Variants in RYR1 observed in about 807,000 individuals in gnomAD.
RYR1 encodes ryanodine receptor 1, also known as central core disease of muscle.
In RYR1, 342 loss-of-function variants were observed where a neutral mutation model predicts 583.5. The ratio of observed to expected loss-of-function variants is 0.59; its 90% CI spans 0.54 to 0.64. The LOEUF (loss-of-function observed/expected upper bound fraction) is 0.64, where lower values mean the gene tolerates loss of function less well. Among genes scored for constraint, RYR1 ranks in the 30% least tolerant of loss-of-function variants. The probability of loss-of-function intolerance (pLI) is 0.00; values close to 1 mark genes in which losing one functional copy is unlikely to be tolerated. For missense variants in RYR1, 6,032 were observed against 6,917.2 expected, an observed-to-expected ratio of 0.87 and a Z score of 4.54; for synonymous variants, 2,791 against 2,822.5, an observed-to-expected ratio of 0.99 and a Z score of 0.35.
rs1973394278 is a variant in RYR1 at position 38,565,813 on chromosome 19, G to A, written c.13437+42G>A. 2.2e-6 allele frequency: 3 copies of A among 1,367,902 alleles called. No individual in the cohort carries two copies. In the East Asian group the frequency reaches 9.0e-5, roughly 41 times the overall value. 84.7% of individuals were successfully genotyped at this position (1,367,902 alleles called of 1,614,324 possible). ...GGTTTTGGGGTTTTGGAAAGATGGG[G>A]GATTGGAGGGAGGAAGAGAGCCCGG... On this transcript the variant is annotated intron_variant, in intron 91 of 105. Coordinates refer to ENST00000359596, the MANE Select transcript of RYR1 (RefSeq NM_000540.3). The surrounding 1 kb of genome is among the most constrained non-coding windows in gnomAD (Gnocchi z 4.7).
chr19:38,473,035 T>C (rs1386477404), intron 27 of RYR1, among the ~76,000 whole-genome samples: 1 of 147,852 alleles, frequency 6.8e-6, no homozygotes, highest in Non-Finnish European at 1.5e-5. Flanking sequence ...AAAAAAAGCA[T>C]TGAAGTTGAG....
chr19:38,476,917 C>T (rs1325672090), intron 29 of RYR1, among the ~76,000 whole-genome samples: 2 of 151,942 alleles, frequency 1.3e-5, no homozygotes, highest in African/African-American at 4.8e-5. Flanking sequence ...ACCCGTAGTC[C>T]CAGAACGTTG....
At chr19:38,474,585 T>G in intron 28 of RYR1, among the ~76,000 whole-genome samples, 1 of 137,824 alleles carries the variant, frequency 7.3e-6, no homozygotes, top group Non-Finnish European at 1.6e-5. Flanking sequence ...TTTTTTTTTT[T>G]TTTTTTTGAG....
intron 29 of RYR1, 23 bp downstream of exon 29, chr19:38,475,473 T>C: frequency 6.2e-7 from 1 of 1,612,764 alleles, no homozygotes; most frequent in Non-Finnish European, 8.5e-7. Context: ...AACCCTCAAT[T>C]TTGGGGTCCC....
intron 27 of RYR1, among the ~76,000 whole-genome samples, chr19:38,471,821 G>A (rs1234099004): frequency 6.9e-6 from 1 of 145,020 alleles, no homozygotes. Context: ...AGAATTGCTT[G>A]AACCCAGGAG....
intron 1 of RYR1, among the ~76,000 whole-genome samples, chr19:38,437,541 C>T (rs1972480647): frequency 6.6e-6 from 1 of 152,144 alleles, no homozygotes; most frequent in Admixed American, 6.5e-5. Context: ...ATAGCCAGAC[C>T]CCATGGCTCA....
At chr19:38,559,085 C>G (rs918719126) in intron 89 of RYR1, among the ~76,000 whole-genome samples, 1 of 151,996 alleles carries the variant, frequency 6.6e-6, no homozygotes, top group Admixed American at 6.6e-5. Flanking sequence ...AGCAAGACTC[C>G]GTCTCAATAA....
chr19:38,466,033 G>A (rs938546900), intron 23 of RYR1, 58 bp from the exon 24 acceptor site: 1 of 1,516,428 alleles, frequency 6.6e-7, no homozygotes, highest in Non-Finnish European at 9.0e-7. Flanking sequence ...CCCATATAGT[G>A]CAGAGCCCGG....
In RYR1 at chr19:38,452,845, C is replaced by T. The variant is rs929778418; in HGVS notation, c.1271C>T (p.Pro424Leu). 2.5e-6 allele frequency: 4 copies of T among 1,602,988 alleles called. No homozygotes were observed. Among genetic ancestry groups the T allele is most frequent in the Non-Finnish European group, 3.4e-6 (4 of 1,175,020 alleles). Residue 424 changes from proline to leucine, a missense_variant, in exon 13 of 106, where the codon CCA becomes CTA. Around this residue, in one of 11 missense-constraint regions of RYR1, gnomAD observed 2,627 missense variants for 2,961.3 expected, o/e 0.89. Transcript: ENST00000359596. ...AGCCTGGACAGCTTCAGCGGGAAGC[C>T]ACGGGGCTCGGGGCCACCCGCTGGC... ...IKSLDSFSGK[P>L]RGSGPPAGTA... is the part of the protein sequence containing the mutation.
rs1237410180 is a variant in RYR1 at position 38,469,507 on chromosome 19, C to T, written c.3759C>T (p.His1253=). The T allele has an allele frequency of 6.2e-7, 1 of 1,613,886 alleles. No homozygotes were observed. Among genetic ancestry groups the T allele is most frequent in the African/African-American group, 1.3e-5 (1 of 74,932 alleles). The change falls in exon 27 of 106, where the codon CAC becomes CAT. Residue 1253 remains histidine (H), a synonymous_variant. Transcript: ENST00000359596. The part of the protein sequence containing the change: ...QFEPVPLEHP[H]YEVSRVDGTV... ...AGCCAGTGCCCCTTGAACACCCTCA[C>T]TATGAGGTAAGGACTGAGCCCCTCA...
chr19:38,573,133 C>G (rs772648829), intron 95 of RYR1, 44 bp from the exon 96 acceptor site: 1 of 1,611,562 alleles, frequency 6.2e-7, no homozygotes, highest in South Asian at 1.1e-5. Context: ...TATGGTCCAG[C>G]CAAGGTGCCT....
Position 38,448,957 on chromosome 19 carries a change from G to T in RYR1, c.1122+144G>T, listed in dbSNP as rs540996565. The T allele has an allele frequency of 5.0e-6, 4 of 798,354 alleles. No individual in the cohort carries two copies. In the African/African-American group the frequency reaches 5.1e-5, roughly 10 times the overall value. The allele number at this position is 798,354 out of a possible 1,614,324, so 49.5% of individuals were successfully genotyped here. A position where few individuals can be genotyped will look rare whatever the true frequency, so the allele number is the denominator to read the frequency against. The stretch of plus-strand genomic sequence containing the variant: ...AGATGGGGTGCAGGAGGGTACTGAG[G>T]GGTGGTGCTTGAGACCTTGGGAGTT... On this transcript the variant is annotated intron_variant, in intron 11 of 105. Coordinates refer to ENST00000359596, the MANE Select transcript of RYR1 (RefSeq NM_000540.3).
In RYR1 at chr19:38,473,885, T is replaced by G. The variant is rs16972639; in HGVS notation, c.4160+114T>G. On this transcript the variant is annotated intron_variant, in intron 28 of 105. Transcript: ENST00000359596. ...TACCCCAAAGTAGACCCATATATGC[T>G]AAGTGGAGTAAGAATACCGAGAGAT... is the stretch of plus-strand genomic sequence containing the variant. The G allele has an allele frequency of 0.011, 8,318 of 730,122 alleles. 467 individuals are homozygous for G. The African/African-American group carries it at 0.13, about 11-fold the overall frequency. The allele number at this position is 730,122 out of a possible 1,614,324, so 45.2% of individuals were successfully genotyped here.
At chr19:38,507,465 CG>C (rs1235748750) in intron 57 of RYR1, among the ~76,000 whole-genome samples, 2 of 126,876 alleles carry the variant, frequency 1.6e-5, no homozygotes, top group East Asian at 2.5e-4. Flanking sequence ...GGGCAGGGCC[CG>C]GGGAACAGAG....
chr19:38,522,975 C>T (rs1971285845), intron 67 of RYR1, 53 bp from the exon 68 acceptor site: 4 of 1,424,546 alleles, frequency 2.8e-6, no homozygotes, highest in Non-Finnish European at 3.9e-6. Flanking sequence ...TCTGGGCAGC[C>T]CCCTTCCCTG....
At chr19:38,509,803 A>G (rs1970647723) in intron 58 of RYR1, among the ~76,000 whole-genome samples, 1 of 152,168 alleles carries the variant, frequency 6.6e-6, no homozygotes, top group South Asian at 2.1e-4. Context: ...CACCATTATT[A>G]TTGTTTGAAA....
intron 72 of RYR1, 148 bp downstream of exon 72, chr19:38,527,200 C>T: frequency 1.2e-6 from 1 of 865,560 alleles, no homozygotes; most frequent in Non-Finnish European, 1.9e-6. Context: ...TGTGGCGAAA[C>T]CATGTTTCTA....
chr19:38,586,070 G>A, intron 103 of RYR1, 21 bp from the exon 104 acceptor site: 1 of 1,614,056 alleles, frequency 6.2e-7, no homozygotes, highest in Non-Finnish European at 8.5e-7. Flanking sequence ...CCTCCACTCT[G>A]ATGTCTCTTG....
chr19:38,471,172 G>C (rs1968400871), intron 27 of RYR1, among the ~76,000 whole-genome samples: 2 of 152,246 alleles, frequency 1.3e-5, no homozygotes, highest in Non-Finnish European at 2.9e-5. Flanking sequence ...ATAACTCAGA[G>C]ACATTGTTAG....
Sources: gnomAD v4.1 joint callset for allele counts (sites outside exome capture counted in the v4.1 genomes callset) on GRCh38, gnomAD v4.1.1 for gene constraint, gnomAD v4.1.1 regional missense constraint, Gnocchi (gnomAD v3.1) non-coding constraint, MANE v1.5 for transcripts, NCBI Gene and HGNC (gene_info 2026-07-23, HGNC 2026-07-21) for gene names.